Variants in KCNG3 observed in about 807,000 individuals in gnomAD.
The protein encoded by KCNG3 is potassium voltage-gated channel modifier subfamily G member 3.
Under a neutral mutation model 29.0 loss-of-function variants are expected in KCNG3, and 15 were observed. That is an observed-to-expected ratio of 0.52 (90% CI 0.35 to 0.80). The LOEUF is 0.80. Among genes scored for constraint, KCNG3 ranks in the 30% least tolerant of loss-of-function variants. The pLI is 0.01. For missense variants in KCNG3, 512 were observed against 605.7 expected, an observed-to-expected ratio of 0.85 and a Z score of 1.62; for synonymous variants, 322 against 248.9, an observed-to-expected ratio of 1.29 and a Z score of -2.76.
chr2:42,419,208 A>C, the KCNG3 span, among the ~76,000 whole-genome samples: 2 of 122,792 alleles, frequency 1.6e-5, no homozygotes, highest in African/African-American at 6.1e-5. Flanking sequence ...AATAAAGCTC[A>C]GATGGTATCT....
At chr2:42,430,368 AAAT>A in the KCNG3 span, among the ~76,000 whole-genome samples, 5 of 26,790 alleles carry the variant, frequency 1.9e-4, no homozygotes, top group Non-Finnish European at 4.0e-4. Flanking sequence ...TCTTAAAAAT[AAAT>A]AAATAAATAA....
rs569135195 is a variant in KCNG3 at position 42,493,195 on chromosome 2, G to C, written c.307C>G (p.Leu103Val). 1 of 1,610,488 alleles carries C rather than the reference G, an allele frequency of 6.2e-7. No individual in the cohort carries two copies. The highest frequency in any genetic ancestry group is 1.3e-5 in the African/African-American group (1 of 75,026). The change falls in exon 1 of 2, where the codon CTG becomes GTG. Residue 103 changes from leucine (L) to valine (V), a missense_variant. By Grantham distance (32) the Leu-to-Val change is conservative (BLOSUM62 1). Transcript: ENST00000306078. ...CAGTACTCGAGGTGCGCGCCCTCCA[G>C]GCCCCAGTAGATCATCTCGTTGTAG... ...SFYNEMIYWG[L>V]EGAHLEYCCQ...
chr2:42,447,698 TTC>T (rs1672636941), intron 1 of KCNG3, among the ~76,000 whole-genome samples: 1 of 152,018 alleles, frequency 6.6e-6, no homozygotes, highest in Non-Finnish European at 1.5e-5. Flanking sequence ...TTCTTTTTTT[TTC>T]TTTTTTTTAT....
At chr2:42,416,978 G>C in the KCNG3 span, among the ~76,000 whole-genome samples, 1 of 151,788 alleles carries the variant, frequency 6.6e-6, no homozygotes, top group Non-Finnish European at 1.5e-5. Flanking sequence ...TCCTGGCACG[G>C]TGGCTCATGC....
intron 1 of KCNG3, among the ~76,000 whole-genome samples, chr2:42,452,003 G>C (rs1169454244): frequency 1.3e-5 from 2 of 151,828 alleles, no homozygotes. Context: ...ATCTGAGTAA[G>C]AATTAATTTA....
intron 1 of KCNG3, among the ~76,000 whole-genome samples, chr2:42,446,069 A>T (rs1403713406): frequency 6.6e-6 from 1 of 152,100 alleles, no homozygotes; most frequent in Admixed American, 6.6e-5. Flanking sequence ...TGGGAGCTCT[A>T]GGCCCCCAGC....
rs1672530130 is a variant in KCNG3 at position 42,443,450 on chromosome 2, G to C, written c.*484C>G. ...TTTAAATTTTGGCCAAATTTTTAAAGTATTTGTTAAACAGTTCCCGCATGT... is the reference window on the plus strand; with the variant it reads ...TTTAAATTTTGGCCAAATTTTTAAACTATTTGTTAAACAGTTCCCGCATGT... On this transcript the variant is annotated 3_prime_UTR_variant, in exon 2 of 2. Transcript: ENST00000306078. 6.5e-6 allele frequency: 1 copy of C among 153,224 alleles called. No homozygotes were observed. The highest frequency in any genetic ancestry group is 1.5e-5 in the Non-Finnish European group (1 of 68,592). 9.5% of individuals were successfully genotyped at this position (153,224 alleles called of 1,614,324 possible). A position where few individuals can be genotyped will look rare whatever the true frequency, so the allele number is the denominator to read the frequency against.
chr2:42,480,909 T>A (rs2103728344), intron 1 of KCNG3, among the ~76,000 whole-genome samples: 1 of 152,210 alleles, frequency 6.6e-6, no homozygotes, highest in East Asian at 1.9e-4. Flanking sequence ...GTCTCCCTAG[T>A]AGCTGGGATT....
the KCNG3 span, among the ~76,000 whole-genome samples, chr2:42,406,266 C>A: frequency 6.6e-6 from 1 of 151,652 alleles, no homozygotes; most frequent in African/African-American, 2.4e-5. Flanking sequence ...GTTGCCCAGT[C>A]TGGAGTGCAA....
At chr2:42,468,817 T>G (rs1382941306) in intron 1 of KCNG3, among the ~76,000 whole-genome samples, 2 of 151,680 alleles carry the variant, frequency 1.3e-5, no homozygotes, top group Non-Finnish European at 2.9e-5. Context: ...TAGCTGGGCT[T>G]GGTGGCAGGC....
At chr2:42,440,770 G>A (rs1874451), downstream of KCNG3, among the ~76,000 whole-genome samples, 40,347 of 152,096 alleles carry the variant, frequency 0.27, 6,052 homozygotes, top group East Asian at 0.57. Context: ...AGTAATGAAA[G>A]CCTTGAATTG....
At chr2:42,464,864 G>T (rs58772047) in intron 1 of KCNG3, among the ~76,000 whole-genome samples, 4 of 152,102 alleles carry the variant, frequency 2.6e-5, no homozygotes, top group Admixed American at 6.6e-5. Context: ...AAATTCAGCC[G>T]TCTGTCTCTC....
At chr2:42,485,521 C>T (rs6544551) in intron 1 of KCNG3, among the ~76,000 whole-genome samples, 85,627 of 151,616 alleles carry the variant, frequency 0.56, 25,096 homozygotes, top group African/African-American at 0.72. Context: ...CTCGGCTCAC[C>T]GCAAGCTCTG....
At chr2:42,423,018 C>A in the KCNG3 span, among the ~76,000 whole-genome samples, 1 of 152,168 alleles carries the variant, frequency 6.6e-6, no homozygotes, top group Non-Finnish European at 1.5e-5. Context: ...CTAGCTTCCA[C>A]TTCCATCTTA....
chr2:42,481,127 T>C (rs6544550), intron 1 of KCNG3, among the ~76,000 whole-genome samples: 83,134 of 152,000 alleles, frequency 0.55, 23,089 homozygotes, highest in Middle Eastern at 0.67. Context: ...AACCAGGCAG[T>C]GGGCCTGAGT....
chr2:42,466,469 A>T (rs1673142946), intron 1 of KCNG3, among the ~76,000 whole-genome samples: 1 of 152,216 alleles, frequency 6.6e-6, no homozygotes, highest in Non-Finnish European at 1.5e-5. Context: ...ACTGTGTTGT[A>T]ACTGCCTACA....
intron 1 of KCNG3, among the ~76,000 whole-genome samples, chr2:42,450,600 A>G (rs1346169021): frequency 2.6e-5 from 4 of 152,236 alleles, no homozygotes; most frequent in African/African-American, 9.6e-5. Flanking sequence ...TTCCAAACAT[A>G]TAGATGTTCA....
At chr2:42,486,302 GAATCC>G (rs1167118449) in intron 1 of KCNG3, among the ~76,000 whole-genome samples, 1 of 152,208 alleles carries the variant, frequency 6.6e-6, no homozygotes, top group African/African-American at 2.4e-5. Context: ...TAATTCACCT[GAATCC>G]AGTCACGTCT....
intron 1 of KCNG3, among the ~76,000 whole-genome samples, chr2:42,467,605 T>C (rs1283062265): frequency 1.3e-5 from 2 of 150,192 alleles, no homozygotes; most frequent in Non-Finnish European, 3.0e-5. Context: ...GAGGTGGAGG[T>C]TGCAGTGAAC....
Sources: gnomAD v4.1 joint callset for allele counts (sites outside exome capture counted in the v4.1 genomes callset) on GRCh38, gnomAD v4.1.1 for gene constraint, MANE v1.5 for transcripts, NCBI Gene and HGNC (gene_info 2026-07-23, HGNC 2026-07-21) for gene names.